PTPRT: variants seen among roughly 807,000 people sequenced by gnomAD.
The protein encoded by PTPRT is receptor-type tyrosine-protein phosphatase T.
In PTPRT, 56 loss-of-function variants were observed where a neutral mutation model predicts 176.8. The observed-to-expected ratio is 0.32, with a 90% CI of 0.26 to 0.40. The LOEUF is 0.40. Ranked by LOEUF, PTPRT falls within the 10% of genes least tolerant of loss-of-function variation. The pLI is 1.00. For missense variants in PTPRT, 1,540 were observed against 1,908.2 expected (o/e 0.81, Z 3.60); for synonymous variants, 783 against 739.0 (o/e 1.06, Z -0.96).
At chr20:43,130,800 T>G (rs951033219) in intron 1 of PTPRT, among the ~76,000 whole-genome samples, 2 of 94,366 alleles carry the variant, frequency 2.1e-5, no homozygotes, top group African/African-American at 8.0e-5. Flanking sequence ...TTTGGTGAAA[T>G]AAGGAAGGAT....
intron 7 of PTPRT, among the ~76,000 whole-genome samples, chr20:42,560,993 G>A (rs1170248931): frequency 6.6e-6 from 1 of 152,110 alleles, no homozygotes; most frequent in African/African-American, 2.4e-5. Flanking sequence ...TTCCTCCTGG[G>A]GAACAGAAGG....
At chr20:43,083,605 C>A (rs139343803) in intron 1 of PTPRT, among the ~76,000 whole-genome samples, 1,842 of 151,796 alleles carry the variant, frequency 0.012, 42 homozygotes, top group African/African-American at 0.042. Flanking sequence ...GTGATCTGCC[C>A]ACCTTGGCCT....
chr20:42,725,808 C>T (rs6030441), intron 6 of PTPRT, among the ~76,000 whole-genome samples: 15,342 of 151,874 alleles, frequency 0.1, 922 homozygotes, highest in East Asian at 0.18. Context: ...CCAGCAATCC[C>T]ATTACTGGGT....
intron 16 of PTPRT, among the ~76,000 whole-genome samples, chr20:42,161,825 C>T (rs185167724): frequency 2.6e-5 from 4 of 152,270 alleles, no homozygotes; most frequent in Admixed American, 6.5e-5. Context: ...CTCAGTCCTT[C>T]GTTTAGACTT....
chr20:42,313,358 C>T (rs768822642), intron 12 of PTPRT, among the ~76,000 whole-genome samples: 8 of 152,122 alleles, frequency 5.3e-5, no homozygotes, highest in East Asian at 1.9e-4. Context: ...CTTCACTATA[C>T]GGACTTACCC....
intron 21 of PTPRT, among the ~76,000 whole-genome samples, chr20:42,116,528 C>G (rs1303110265): frequency 6.6e-6 from 1 of 152,204 alleles, no homozygotes; most frequent in Non-Finnish European, 1.5e-5. Context: ...ACTGTGTACT[C>G]TGTCTACCAC....
chr20:42,268,300 T>C (rs2056873011), intron 13 of PTPRT, among the ~76,000 whole-genome samples: 1 of 152,144 alleles, frequency 6.6e-6, no homozygotes, highest in Admixed American at 6.5e-5. Flanking sequence ...GGAGGAACAT[T>C]CAGACGCCTT....
chr20:42,668,487 G>A (rs543408776), intron 7 of PTPRT, among the ~76,000 whole-genome samples: 5 of 152,208 alleles, frequency 3.3e-5, no homozygotes, highest in African/African-American at 1.2e-4. Flanking sequence ...GAGACTTCAT[G>A]GGTTAGGGGA....
intron 2 of PTPRT, among the ~76,000 whole-genome samples, chr20:42,803,966 G>A (rs752418177): frequency 5.3e-5 from 8 of 152,280 alleles, no homozygotes; most frequent in South Asian, 2.1e-4. Flanking sequence ...CTGGGAGTGC[G>A]GTCCTTATTG....
At chr20:42,060,169 G>A in the PTPRT span, among the ~76,000 whole-genome samples, 1 of 152,140 alleles carries the variant, frequency 6.6e-6, no homozygotes, top group East Asian at 1.9e-4. Context: ...AATTGTCCAA[G>A]TCATACAACT....
chr20:42,841,658 C>T (rs991121395), intron 2 of PTPRT, among the ~76,000 whole-genome samples: 1 of 142,874 alleles, frequency 7.0e-6, no homozygotes, highest in Non-Finnish European at 1.6e-5. Context: ...CACACACACA[C>T]ATAATCTCTC....
At position 42,606,779 on chromosome 20, in the gene PTPRT, G is replaced by T. The variant is rs182820964; in HGVS notation, c.1153+71087C>A. 9 of 152,252 alleles carry T rather than the reference G, an allele frequency of 5.9e-5. No homozygotes were observed. The East Asian group carries it at 1.7e-3, about 29-fold the overall frequency. The allele number at this position is 152,252 out of a possible 1,614,324, so 9.4% of individuals were successfully genotyped here. A position where few individuals can be genotyped will look rare whatever the true frequency, so the allele number is the denominator to read the frequency against. ...CCCGACATTTTTTTCTGCCTTTTCT[G>T]CCATGATGACTGTCCAGCATGGAGA... On this transcript the variant is annotated intron_variant, in intron 7 of 30. Coordinates refer to ENST00000373187, the MANE Select transcript of PTPRT (RefSeq NM_007050.6).
chr20:42,492,515 T>C (rs1393773424), intron 7 of PTPRT, among the ~76,000 whole-genome samples: 1 of 152,170 alleles, frequency 6.6e-6, no homozygotes, highest in Non-Finnish European at 1.5e-5. Flanking sequence ...TAACTTTTGT[T>C]TCCTGTTAAA....
rs978343139 is a variant in PTPRT, at chr20:42,899,572, G to A, written c.89-13640C>T. Among the ~76,000 whole-genome samples, 14 of 152,224 alleles carry A rather than the reference G, an allele frequency of 9.2e-5. 1 individual carries two copies. Among genetic ancestry groups the A allele is most frequent in the African/African-American group, 2.4e-4 (10 of 41,544 alleles). The stretch of plus-strand genomic sequence containing the variant: ...TGCTTGACGAGGCTGTTTCTCAAAC[G>A]CTTTAGTTACATTCTAAAATTGTTT... On this transcript the variant is annotated intron_variant, in intron 1 of 30. Transcript: ENST00000373187.
rs141472042 is a variant in PTPRT, at chr20:42,834,490, G to A, written c.215-43024C>T. ...TTATGAAGTCAAATATACATTTATCGTACAGCTCAGAAATCTTAGTATTTA... is the reference window on the plus strand; with the variant it reads ...TTATGAAGTCAAATATACATTTATCATACAGCTCAGAAATCTTAGTATTTA... On this transcript the variant is annotated intron_variant, in intron 2 of 30. Transcript: ENST00000373187. 1.8e-3 allele frequency among the ~76,000 whole-genome samples: 279 copies of A among 152,102 alleles called. 2 individuals are homozygous for A. Among genetic ancestry groups the A allele is most frequent in the African/African-American group, 5.9e-3 (244 of 41,496 alleles).
At chr20:42,288,621 A>C (rs1424986933) in intron 12 of PTPRT, among the ~76,000 whole-genome samples, 3 of 151,782 alleles carry the variant, frequency 2.0e-5, no homozygotes, top group Non-Finnish European at 4.4e-5. Flanking sequence ...GTGGCATTTG[A>C]TTTTCTCTTT....
intron 13 of PTPRT, among the ~76,000 whole-genome samples, chr20:42,276,498 T>A (rs866711561): frequency 4.3e-3 from 8 of 1,850 alleles, no homozygotes; most frequent in African/African-American, 8.2e-3. Context: ...AAGAAGGAAA[T>A]ATATATATAT....
At chr20:42,460,290 C>G (rs1227858941) in intron 8 of PTPRT, among the ~76,000 whole-genome samples, 1 of 152,210 alleles carries the variant, frequency 6.6e-6, no homozygotes. Context: ...AACTATGGCT[C>G]TTGGGTTGAA....
intron 7 of PTPRT, among the ~76,000 whole-genome samples, chr20:42,556,843 C>G (rs777056393): frequency 6.6e-6 from 1 of 152,010 alleles, no homozygotes; most frequent in Non-Finnish European, 1.5e-5. Flanking sequence ...TTGCTGGTGC[C>G]CAGGGAGAGC....
Sources: gnomAD v4.1 joint callset for allele counts (sites outside exome capture counted in the v4.1 genomes callset) on GRCh38, gnomAD v4.1.1 for gene constraint, MANE v1.5 for transcripts, NCBI Gene and HGNC (gene_info 2026-07-23, HGNC 2026-07-21) for gene names.